The following COL26A1 variants were observed in gnomAD, a reference collection of about 807,000 sequenced individuals.
COL26A1 encodes collagen type XXVI alpha 1 chain.
Under a neutral mutation model 59.3 loss-of-function variants are expected in COL26A1, and 41 were observed. The observed-to-expected ratio is 0.69, with a 90% CI of 0.54 to 0.90. COL26A1 has a LOEUF of 0.90. COL26A1 is among the 40% of genes least tolerant of loss of function. COL26A1 has a pLI of 0.00. For missense variants in COL26A1, 612 were observed against 602.3 expected, an observed-to-expected ratio of 1.02 and a Z score of -0.17; for synonymous variants, 266 against 256.0, an observed-to-expected ratio of 1.04 and a Z score of -0.37.
At chr7:101,413,608 C>T (rs754456046) in intron 1 of COL26A1, among the ~76,000 whole-genome samples, 28 of 152,012 alleles carry the variant, frequency 1.8e-4, no homozygotes, top group Middle Eastern at 3.2e-3. Context: ...GGAGCAGATC[C>T]GTCCTCAAGA....
At chr7:101,395,799 G>T (rs1212172949) in intron 1 of COL26A1, among the ~76,000 whole-genome samples, 1 of 152,202 alleles carries the variant, frequency 6.6e-6, no homozygotes, top group Non-Finnish European at 1.5e-5. Flanking sequence ...TGAAAACAAA[G>T]CAGGCCAAGG....
At chr7:101,364,442 A>C (rs1584340704) in intron 1 of COL26A1, among the ~76,000 whole-genome samples, 3 of 149,276 alleles carry the variant, frequency 2.0e-5, no homozygotes, top group South Asian at 4.3e-4. Context: ...CCCAATCTCC[A>C]TTTCTTTTGA....
At chr7:101,472,265 C>A (rs1265285037) in intron 3 of COL26A1, among the ~76,000 whole-genome samples, 1 of 152,218 alleles carries the variant, frequency 6.6e-6, no homozygotes, top group African/African-American at 2.4e-5. Flanking sequence ...CTTGGCCTCC[C>A]AAAGTGCTGG....
chr7:101,538,666 G>A (rs1290416475), intron 4 of COL26A1, among the ~76,000 whole-genome samples: 1 of 152,210 alleles, frequency 6.6e-6, no homozygotes, highest in Non-Finnish European at 1.5e-5. Context: ...GCCCACAGCA[G>A]GGCCTGAGCC....
Position 101,462,554 on chromosome 7 carries a change from T to G in COL26A1, c.385+14767T>G, listed in dbSNP as rs189488649. ...CTGGTCTCGAACTCCTGACTTCAGG[T>G]GATCTGCCTGCCTCAGCCTCCCAAA... On this transcript the variant is annotated intron_variant, in intron 3 of 12. Transcript: ENST00000313669. Among the ~76,000 whole-genome samples, 20 of 152,114 alleles carry G rather than the reference T, an allele frequency of 1.3e-4. 1 individual carries two copies. The East Asian group carries it at 3.5e-3, about 27-fold the overall frequency.
chr7:101,366,474 ATTTTTTTT>A (rs869149636), intron 1 of COL26A1, among the ~76,000 whole-genome samples: 19 of 76,266 alleles, frequency 2.5e-4, no homozygotes, highest in African/African-American at 7.0e-4. Context: ...TTAACGTCTG[ATTTTTTTT>A]TTTTTTTTTT....
intron 3 of COL26A1, among the ~76,000 whole-genome samples, chr7:101,531,029 G>A (rs1490444835): frequency 4.0e-5 from 6 of 151,668 alleles, no homozygotes; most frequent in African/African-American, 1.2e-4. Flanking sequence ...GGAGTGCAGT[G>A]GTGCGATCTC....
In COL26A1 at chr7:101,533,123, C is replaced by G. The variant is rs764862812; in HGVS notation, c.427C>G (p.Leu143Val). The G allele has an allele frequency of 3.1e-6, 5 of 1,606,712 alleles. No individual in the cohort carries two copies. The highest frequency in any genetic ancestry group is 1.3e-5 in the African/African-American group (1 of 74,832). Residue 143 changes from leucine (L) to valine (V), a missense_variant, in exon 4 of 13, where the codon CTG becomes GTG. Coordinates refer to ENST00000313669, the MANE Select transcript of COL26A1 (RefSeq NM_001278563.3). The part of the protein sequence containing the change: ...CTRLSDMSER[L>V]TTLEAKVLLL... Reference sequence around the variant, plus strand: ...CCGGCTCAGTGACATGAGTGAGCGACTGACCACACTGGAGGCCAAGGTCAG... The same window carrying G: ...CCGGCTCAGTGACATGAGTGAGCGAGTGACCACACTGGAGGCCAAGGTCAG...
At chr7:101,552,242 G>T (rs558601613) in intron 10 of COL26A1, among the ~76,000 whole-genome samples, 1 of 152,316 alleles carries the variant, frequency 6.6e-6, no homozygotes, top group African/African-American at 2.4e-5. Context: ...CCATTTTACA[G>T]TTGGGAAAAC....
intron 1 of COL26A1, among the ~76,000 whole-genome samples, chr7:101,365,392 CTCTG>C (rs1405228274): frequency 6.6e-6 from 1 of 152,030 alleles, no homozygotes; most frequent in South Asian, 2.1e-4. Context: ...CCCATTTTCC[CTCTG>C]TCTGCTTGTG....
chr7:101,461,879 C>T (rs35238510), intron 3 of COL26A1, among the ~76,000 whole-genome samples: 41,117 of 151,990 alleles, frequency 0.27, 5,974 homozygotes, highest in Middle Eastern at 0.34. Flanking sequence ...CAGGGGTTGC[C>T]GGTCCACTCC....
intron 1 of COL26A1, among the ~76,000 whole-genome samples, chr7:101,378,482 G>A (rs573117653): frequency 1.1e-4 from 16 of 152,150 alleles, no homozygotes; most frequent in Admixed American, 3.3e-4. Context: ...AGATTATGCC[G>A]TTGCACTCCA....
At chr7:101,538,212 C>T (rs62465094) in intron 4 of COL26A1, among the ~76,000 whole-genome samples, 46,115 of 151,994 alleles carry the variant, frequency 0.3, 7,321 homozygotes, top group African/African-American at 0.36. Flanking sequence ...TCAGCTTCTT[C>T]AGGGGTGCCA....
At chr7:101,474,959 A>C (rs1012033514) in intron 3 of COL26A1, among the ~76,000 whole-genome samples, 1 of 152,174 alleles carries the variant, frequency 6.6e-6, no homozygotes, top group African/African-American at 2.4e-5. Flanking sequence ...CTGGGAGGCC[A>C]AGGCGGGTGG....
chr7:101,468,871 A>C (rs1318656478), intron 3 of COL26A1, among the ~76,000 whole-genome samples: 1 of 152,082 alleles, frequency 6.6e-6, no homozygotes, highest in Non-Finnish European at 1.5e-5. Context: ...CCTCCACCAG[A>C]CCTGGCAGTT....
chr7:101,389,197 T>C (rs1490108662), intron 1 of COL26A1: 2 of 152,936 alleles, frequency 1.3e-5, no homozygotes, highest in Non-Finnish European at 2.9e-5. Context: ...TTCCTAATGA[T>C]TAGTGATGTT....
intron 3 of COL26A1, among the ~76,000 whole-genome samples, chr7:101,471,093 A>T (rs1793888316): frequency 6.6e-6 from 1 of 152,186 alleles, no homozygotes; most frequent in Admixed American, 6.5e-5. Flanking sequence ...TTTGGAGCTG[A>T]GGCTGGATGC....
chr7:101,389,714 C>T (rs149518317), intron 1 of COL26A1, among the ~76,000 whole-genome samples: 1,960 of 152,140 alleles, frequency 0.013, 37 homozygotes, highest in African/African-American at 0.045. Context: ...CCACCATGCC[C>T]AGCTAATTAT....
chr7:101,414,090 C>T (rs954367945), intron 1 of COL26A1, among the ~76,000 whole-genome samples: 9 of 152,186 alleles, frequency 5.9e-5, no homozygotes, highest in African/African-American at 2.2e-4. Context: ...GATGCACAGG[C>T]TTTAGAGCTC....
Sources: gnomAD v4.1 joint callset for allele counts (sites outside exome capture counted in the v4.1 genomes callset) on GRCh38, gnomAD v4.1.1 for gene constraint, MANE v1.5 for transcripts, NCBI Gene and HGNC (gene_info 2026-07-23, HGNC 2026-07-21) for gene names.